The following LRP1B variants were observed in gnomAD, a reference collection of about 807,000 sequenced individuals.
LRP1B encodes LDL receptor related protein 1B, also known as low-density lipoprotein receptor-related protein 1B.
LRP1B carries 217 observed loss-of-function variants against 556.6 expected under a neutral mutation model. The observed-to-expected ratio is 0.39, with a 90% CI of 0.35 to 0.44. The LOEUF is 0.44. Ranked by LOEUF, LRP1B falls within the 20% of genes least tolerant of loss-of-function variation. The probability of loss-of-function intolerance (pLI) is 1.00; values close to 1 mark genes in which losing one functional copy is unlikely to be tolerated. For missense variants in LRP1B, 5,053 were observed against 5,620.8 expected, an observed-to-expected ratio of 0.90 and a Z score of 3.23; for synonymous variants, 2,047 against 1,865.8, an observed-to-expected ratio of 1.10 and a Z score of -2.50.
chr2:140,291,314 A>ATTTTTT lies in LRP1B; in HGVS notation c.12967+6493_12967+6494insAAAAAA, dbSNP rs1370713902. ...AATTTTATTTTATATATATATATAT[A>ATTTTTT]TATATTTTTATTATACTTTAAGTTC... On this transcript the variant is annotated intron_variant, in intron 84 of 90. Transcript: ENST00000389484. Among the ~76,000 whole-genome samples the ATTTTTT allele has an allele frequency of 3.8e-4, 25 of 65,112 alleles. 2 individuals are homozygous for ATTTTTT. The highest frequency in any genetic ancestry group is 1.1e-3 in the African/African-American group (20 of 18,202). 42.7% of individuals were successfully genotyped at this position (65,112 alleles called of 152,430 possible). A position where few individuals can be genotyped will look rare whatever the true frequency, so the allele number is the denominator to read the frequency against.
intron 2 of LRP1B, among the ~76,000 whole-genome samples, chr2:141,715,683 T>C (rs1692559887): frequency 6.6e-6 from 1 of 151,724 alleles, no homozygotes; most frequent in Admixed American, 6.6e-5. Context: ...GGCATTGTGG[T>C]GGGTGCCTAT....
intron 22 of LRP1B, among the ~76,000 whole-genome samples, chr2:140,903,649 T>G (rs759267501): frequency 6.6e-6 from 1 of 152,206 alleles, no homozygotes; most frequent in South Asian, 2.1e-4. Context: ...TTTGCAACAC[T>G]TGTACAGTCC....
intron 1 of LRP1B, among the ~76,000 whole-genome samples, chr2:142,096,449 T>C (rs1706372260): frequency 6.6e-6 from 1 of 151,438 alleles, no homozygotes; most frequent in South Asian, 2.1e-4. Flanking sequence ...ATTTTTTTTT[T>C]TTTACAAATT....
At chr2:140,538,405 T>C (rs1174871474) in intron 45 of LRP1B, among the ~76,000 whole-genome samples, 1 of 152,040 alleles carries the variant, frequency 6.6e-6, no homozygotes. Context: ...GATCCAGGTG[T>C]CCATGGTTGC....
At chr2:140,868,388 A>G in intron 25 of LRP1B, 125 bp from the exon 26 acceptor site, 1 of 836,722 alleles carries the variant, frequency 1.2e-6, no homozygotes, top group Non-Finnish European at 1.7e-6. Flanking sequence ...AAACAGATGT[A>G]TTATCTATCC....
At chr2:141,134,414 A>G (rs1339684699) in intron 7 of LRP1B, among the ~76,000 whole-genome samples, 3 of 151,856 alleles carry the variant, frequency 2.0e-5, no homozygotes, top group Non-Finnish European at 4.4e-5. Context: ...TTTTGAGCCT[A>G]CGTGTTGTTA....
intron 1 of LRP1B, among the ~76,000 whole-genome samples, chr2:141,873,990 A>C (rs1401148681): frequency 6.6e-6 from 1 of 151,622 alleles, no homozygotes; most frequent in East Asian, 1.9e-4. Context: ...CACCATCAAG[A>C]GGTATGCATA....
At chr2:141,117,464 G>A (rs1330704844) in intron 7 of LRP1B, among the ~76,000 whole-genome samples, 1 of 151,570 alleles carries the variant, frequency 6.6e-6, no homozygotes, top group Non-Finnish European at 1.5e-5. Flanking sequence ...AGAAAGTGGA[G>A]AAAATGAAAA....
At chr2:141,100,847 G>A (rs1166126087) in intron 7 of LRP1B, among the ~76,000 whole-genome samples, 2 of 151,982 alleles carry the variant, frequency 1.3e-5, no homozygotes, top group African/African-American at 4.8e-5. Flanking sequence ...GGCCTGCTAA[G>A]GCTTCCATGA....
intron 57 of LRP1B, among the ~76,000 whole-genome samples, chr2:140,488,017 G>A (rs1194095116): frequency 4.6e-5 from 7 of 151,820 alleles, no homozygotes; most frequent in Admixed American, 4.6e-4. Flanking sequence ...CCAGTAACGT[G>A]AAAATAAAAA....
Position 141,089,190 on chromosome 2 carries a change from C to T in LRP1B, c.1014-26917G>A, listed in dbSNP as rs891916636. Among the ~76,000 whole-genome samples, 8 of 152,186 alleles carry T rather than the reference C, an allele frequency of 5.3e-5. No homozygotes were observed. The East Asian group carries it at 9.6e-4, about 18-fold the overall frequency. On this transcript the variant is annotated intron_variant, in intron 7 of 90. Coordinates refer to ENST00000389484, the MANE Select transcript of LRP1B (RefSeq NM_018557.3). ...ATAGCAGCAACAATATACACAGCCACCCTTCAGGCACAGCGGGCTCTTATT... is the reference window on the plus strand; with the variant it reads ...ATAGCAGCAACAATATACACAGCCATCCTTCAGGCACAGCGGGCTCTTATT...
intron 1 of LRP1B, among the ~76,000 whole-genome samples, chr2:141,814,097 C>T (rs533428392): frequency 1.2e-4 from 18 of 152,142 alleles, no homozygotes; most frequent in Middle Eastern, 3.4e-3. Context: ...TAAGACTTTG[C>T]CTGTGGCCAA....
At chr2:141,169,533 C>CCTGCA (rs1473024029) in intron 7 of LRP1B, among the ~76,000 whole-genome samples, 1 of 151,614 alleles carries the variant, frequency 6.6e-6, no homozygotes, top group Non-Finnish European at 1.5e-5. Flanking sequence ...TGTCATGGAT[C>CCTGCA]CTGCACTGCA....
chr2:141,891,878 G>C (rs1402401103), intron 1 of LRP1B, among the ~76,000 whole-genome samples: 1 of 151,722 alleles, frequency 6.6e-6, no homozygotes. Context: ...ATTTTTTTCT[G>C]TGTTATTCTA....
intron 6 of LRP1B, among the ~76,000 whole-genome samples, chr2:141,200,584 G>C (rs1558928390): frequency 1.3e-5 from 2 of 152,034 alleles, no homozygotes; most frequent in African/African-American, 4.8e-5. Context: ...TTGACCAGTA[G>C]ATATTAAGAA....
intron 32 of LRP1B, among the ~76,000 whole-genome samples, chr2:140,806,307 A>C (rs4616417): frequency 0.46 from 69,962 of 151,874 alleles, 17,357 homozygotes; most frequent in East Asian, 0.58. Context: ...ATATATATGC[A>C]TACACCTTGA....
intron 20 of LRP1B, among the ~76,000 whole-genome samples, chr2:140,932,119 G>T (rs990794339): frequency 6.6e-6 from 1 of 152,140 alleles, no homozygotes; most frequent in Admixed American, 6.6e-5. Flanking sequence ...ACATACTTAT[G>T]AGATATCTCT....
intron 84 of LRP1B, among the ~76,000 whole-genome samples, chr2:140,276,879 C>T (rs1273141477): frequency 6.6e-6 from 1 of 151,772 alleles, no homozygotes; most frequent in Non-Finnish European, 1.5e-5. Context: ...GATTATAATT[C>T]ATAGGTCTGA....
At chr2:141,691,462 G>T (rs1691526168) in intron 2 of LRP1B, among the ~76,000 whole-genome samples, 1 of 55,774 alleles carries the variant, frequency 1.8e-5, no homozygotes, top group African/African-American at 9.2e-5. Flanking sequence ...CAGGTAATCA[G>T]CCAACACACA....
Sources: gnomAD v4.1 joint callset for allele counts (sites outside exome capture counted in the v4.1 genomes callset) on GRCh38, gnomAD v4.1.1 for gene constraint, MANE v1.5 for transcripts, NCBI Gene and HGNC (gene_info 2026-07-23, HGNC 2026-07-21) for gene names.